Variants in PRRC2C observed in about 807,000 individuals in gnomAD.
PRRC2C encodes proline rich coiled-coil 2C, also known as protein PRRC2C.
A neutral mutation model predicts 317.2 loss-of-function variants in PRRC2C; 72 were observed. The observed-to-expected ratio is 0.23, with a 90% CI of 0.19 to 0.28. The LOEUF (loss-of-function observed/expected upper bound fraction) is 0.28. Ranked by LOEUF, PRRC2C falls within the 10% of genes least tolerant of loss-of-function variation. The pLI, the probability that PRRC2C is intolerant of heterozygous loss-of-function variation, is 1.00. For synonymous variants in PRRC2C, 1,296 were observed against 1,205.9 expected (o/e 1.07, Z -1.55); for missense variants, 3,074 against 3,459.7 (o/e 0.89, Z 2.80).
intron 17 of PRRC2C, among the ~76,000 whole-genome samples, chr1:171,548,963 T>G (rs1227923912): frequency 6.6e-6 from 1 of 152,144 alleles, no homozygotes; most frequent in Non-Finnish European, 1.5e-5. Context: ...GTGATTCTCC[T>G]ACCTCAGCCT....
intron 1 of PRRC2C, among the ~76,000 whole-genome samples, chr1:171,502,798 A>G (rs562088164): frequency 3.3e-5 from 5 of 152,286 alleles, no homozygotes; most frequent in Admixed American, 1.3e-4. Flanking sequence ...ATCTTGGCTC[A>G]CTGCAACCTC....
intron 19 of PRRC2C, among the ~76,000 whole-genome samples, chr1:171,559,808 A>G (rs944930329): frequency 5.3e-5 from 8 of 152,144 alleles, no homozygotes; most frequent in Non-Finnish European, 1.2e-4. Flanking sequence ...GGTGTGAGCC[A>G]CCATGCCTGG....
At chr1:171,491,127 A>T (rs1267328767) in intron 1 of PRRC2C, among the ~76,000 whole-genome samples, 1 of 152,238 alleles carries the variant, frequency 6.6e-6, no homozygotes, top group African/African-American at 2.4e-5. Flanking sequence ...AAAATTAAAG[A>T]TAAAGGGGAA....
chr1:171,590,609 C>A (rs1017228790), intron 34 of PRRC2C, among the ~76,000 whole-genome samples: 2 of 152,158 alleles, frequency 1.3e-5, no homozygotes, highest in African/African-American at 4.8e-5. Flanking sequence ...GGGTCGACAT[C>A]CCTAGTGTTT....
intron 20 of PRRC2C, among the ~76,000 whole-genome samples, chr1:171,564,718 GTA>G (rs1296204174): frequency 2.6e-5 from 4 of 152,138 alleles, no homozygotes; most frequent in Non-Finnish European, 5.9e-5. Flanking sequence ...GTAGGCAGTT[GTA>G]ACACAATGAT....
intron 23 of PRRC2C, among the ~76,000 whole-genome samples, chr1:171,570,151 A>T (rs1282316283): frequency 6.6e-6 from 1 of 152,186 alleles, no homozygotes; most frequent in African/African-American, 2.4e-5. Flanking sequence ...GGTGTTGCTT[A>T]CTTGTGCCAA....
chr1:171,531,301 A>T (rs927416413), intron 11 of PRRC2C, among the ~76,000 whole-genome samples: 1 of 152,190 alleles, frequency 6.6e-6, no homozygotes, highest in African/African-American at 2.4e-5. Flanking sequence ...CACTTAAAAT[A>T]TGTGCAGCAC....
Position 171,541,848 on chromosome 1 carries a change from G to T in PRRC2C, c.4382G>T (p.Gly1461Val). The change falls in exon 16 of 35, where the codon GGC becomes GTC. Residue 1461 changes from glycine to valine, a missense_variant. This residue lies in a region of PRRC2C where 1,320 missense variants were observed against 1,395.7 expected (regional missense o/e 0.95). Coordinates refer to ENST00000647382, the MANE Select transcript of PRRC2C (RefSeq NM_001387844.1). This position sits in a 1 kb window ranked among gnomAD's most constrained non-coding sequence, Gnocchi z 4.1. Reference protein sequence around the residue: ...SNEVVAVPTNGTVNNVAQEPV... With the variant: ...SNEVVAVPTNVTVNNVAQEPV... ...GAGGTGGTAGCAGTGCCCACAAATG[G>T]CACAGTTAATAATGTGGCTCAAGAA... 1 of 1,613,830 alleles carries T rather than the reference G, an allele frequency of 6.2e-7. No individual in the cohort carries two copies. The highest frequency in any genetic ancestry group is 8.5e-7 in the Non-Finnish European group (1 of 1,179,878).
chr1:171,494,392 C>T (rs1010380441), intron 1 of PRRC2C, among the ~76,000 whole-genome samples: 9 of 152,036 alleles, frequency 5.9e-5, no homozygotes, highest in East Asian at 1.9e-4. Flanking sequence ...ATGTTTTTGC[C>T]GAACTGCTAT....
rs1672640665 is a variant in PRRC2C, at chr1:171,517,749, C to A, written c.685C>A (p.Gln229Lys). The change falls in exon 6 of 35, where the codon CAG becomes AAG. Residue 229 changes from glutamine (Q) to lysine (K), a missense_variant. Physicochemically the swap from Gln to Lys is moderately conservative, Grantham distance 53 (BLOSUM62 1). Coordinates refer to ENST00000647382, the MANE Select transcript of PRRC2C (RefSeq NM_001387844.1). ...AAAGAGGATAGCTTGTGGTCCTCCACAGGCTAAACTGAATGGACAGCAGGC... is the reference window on the plus strand; with the variant it reads ...AAAGAGGATAGCTTGTGGTCCTCCAAAGGCTAAACTGAATGGACAGCAGGC... ...VEKRIACGPPQAKLNGQQAAL... is the reference protein window; with the variant it reads ...VEKRIACGPPKAKLNGQQAAL... The A allele has an allele frequency of 1.2e-6, 2 of 1,613,706 alleles. No individual in the cohort carries two copies. Among genetic ancestry groups the A allele is most frequent in the South Asian group, 2.2e-5 (2 of 91,070 alleles).
chr1:171,542,217 G>C lies in PRRC2C; in HGVS notation c.4751G>C (p.Ser1584Thr). Residue 1584 changes from serine to threonine, a missense_variant, in exon 16 of 35, where the codon AGT (serine) becomes ACT (threonine). Physicochemically the swap from Ser to Thr is moderately conservative, Grantham distance 58. This residue lies in a region of PRRC2C where 178 missense variants were observed against 163.0 expected (regional missense o/e 1.09). Coordinates refer to ENST00000647382, the MANE Select transcript of PRRC2C (RefSeq NM_001387844.1). ...NERRSGPPSKSGKRGPFDDQP... is the reference protein window; with the variant it reads ...NERRSGPPSKTGKRGPFDDQP... ...AGGAGAAGTGGCCCACCATCAAAAA[G>C]TGGGAAGAGAGGGTGAGTACTTTGT... 6.4e-7 allele frequency: 1 copy of C among 1,554,232 alleles called. No individual in the cohort carries two copies. Among genetic ancestry groups the C allele is most frequent in the Non-Finnish European group, 8.7e-7 (1 of 1,154,264 alleles).
Position 171,544,146 on chromosome 1 carries a change from G to A in PRRC2C, c.4764-1333G>A, listed in dbSNP as rs112867727. Among the ~76,000 whole-genome samples the A allele has an allele frequency of 4.5e-3, 689 of 151,956 alleles. 3 individuals are homozygous for A. Among genetic ancestry groups the A allele is most frequent in the African/African-American group, 0.015 (634 of 41,456 alleles). ...TTTATTGAGGGCGTGGGTGAGGGAC[G>A]GAGTCTCACTCTGTCACCCAGGCTG... On this transcript the variant is annotated intron_variant, in intron 16 of 34. Transcript: ENST00000647382.
At chr1:171,513,387 A>G (rs1367670373) in intron 3 of PRRC2C, 5 of 660,536 alleles carry the variant, frequency 7.6e-6, no homozygotes, top group Non-Finnish European at 1.4e-5. Flanking sequence ...AGAATTGGGA[A>G]TCACAACCTT....
intron 20 of PRRC2C, among the ~76,000 whole-genome samples, chr1:171,563,525 C>T (rs866089169): frequency 2.9e-4 from 44 of 152,070 alleles, no homozygotes; most frequent in African/African-American, 8.7e-4. Context: ...AGAACTTGAA[C>T]GTCATTTTGC....
Position 171,589,510 on chromosome 1 carries a change from C to T in PRRC2C, c.8341C>T (p.Arg2781Cys), listed in dbSNP as rs1030538758. The T allele has an allele frequency of 6.2e-6, 8 of 1,289,638 alleles. No homozygotes were observed. The African/African-American group carries it at 7.6e-5, about 12-fold the overall frequency. 79.9% of individuals were successfully genotyped at this position (1,289,638 alleles called of 1,614,324 possible). Residue 2781 changes from arginine (R) to cysteine (C), a missense_variant, in exon 34 of 35, where the codon CGT becomes TGT. Around this residue, in one of 11 missense-constraint regions of PRRC2C, gnomAD observed 490 missense variants for 663.1 expected, o/e 0.74. Coordinates refer to ENST00000647382, the MANE Select transcript of PRRC2C (RefSeq NM_001387844.1). ...PLTTGLMSHA[R>C]LPHVARGPCG... ...GACCACAGGCCTCATGAGCCATGCT[C>T]GTTTGCCACATGTAGCCAGGGGTCC... is the stretch of plus-strand genomic sequence containing the variant.
At chr1:171,570,301 T>G (rs1219940751) in intron 23 of PRRC2C, among the ~76,000 whole-genome samples, 1 of 152,214 alleles carries the variant, frequency 6.6e-6, no homozygotes, top group Non-Finnish European at 1.5e-5. Flanking sequence ...ACTTTTGTCT[T>G]TCTTAATTAT....
chr1:171,537,438 T>C lies in PRRC2C; in HGVS notation c.2469T>C (p.Thr823=). The change falls in exon 15 of 35, where the codon ACT becomes ACC. Residue 823 remains threonine, a synonymous_variant. Transcript: ENST00000647382. ...PYPHAEPQQA[T]TPKATEEPED... ...CTCATGCTGAGCCTCAACAAGCAACTACTCCCAAAGCAACAGAAGAGCCTG... is the reference window on the plus strand; with the variant it reads ...CTCATGCTGAGCCTCAACAAGCAACCACTCCCAAAGCAACAGAAGAGCCTG... 1 of 1,582,744 alleles carries C rather than the reference T, an allele frequency of 6.3e-7. No individual in the cohort carries two copies. The highest frequency in any genetic ancestry group is 2.3e-5 in the East Asian group (1 of 43,694).
chr1:171,549,410 T>G (rs1245193560), intron 17 of PRRC2C, among the ~76,000 whole-genome samples: 1 of 152,184 alleles, frequency 6.6e-6, no homozygotes, highest in Non-Finnish European at 1.5e-5. Context: ...GCAAATGAGG[T>G]AGAATGCTTT....
At position 171,517,770 on chromosome 1, in the gene PRRC2C, C is replaced by A; in HGVS notation, c.706C>A (p.Gln236Lys). ...GPPQAKLNGQ[Q>K]AALASQYRAM... Reference sequence around the variant, plus strand: ...TCCACAGGCTAAACTGAATGGACAGCAGGCTGCTCTCGCTTCCCAGTATAG... The same window carrying A: ...TCCACAGGCTAAACTGAATGGACAGAAGGCTGCTCTCGCTTCCCAGTATAG... Residue 236 changes from glutamine to lysine, a missense_variant, in exon 6 of 35, where the codon CAG becomes AAG. By Grantham distance (53) the Gln-to-Lys change is moderately conservative. Transcript: ENST00000647382. The A allele has an allele frequency of 1.2e-6, 2 of 1,613,710 alleles. No homozygotes were observed. The highest frequency in any genetic ancestry group is 1.7e-6 in the Non-Finnish European group (2 of 1,179,878).
Sources: gnomAD v4.1 joint callset for allele counts (sites outside exome capture counted in the v4.1 genomes callset) on GRCh38, gnomAD v4.1.1 for gene constraint, gnomAD v4.1.1 regional missense constraint, Gnocchi (gnomAD v3.1) non-coding constraint, MANE v1.5 for transcripts, NCBI Gene and HGNC (gene_info 2026-07-23, HGNC 2026-07-21) for gene names.